SYT7: variants seen among roughly 807,000 people sequenced by gnomAD.
SYT7 encodes the protein synaptotagmin 7.
A neutral mutation model predicts 75.1 loss-of-function variants in SYT7; 29 were observed. The ratio of observed to expected loss-of-function variants is 0.39; its 90% CI spans 0.29 to 0.53. The LOEUF is 0.53. SYT7 is among the 20% of genes least tolerant of loss of function. The pLI, the probability that SYT7 is intolerant of heterozygous loss-of-function variation, is 0.77. For missense variants in SYT7, 693 were observed against 953.2 expected, an observed-to-expected ratio of 0.73 and a Z score of 3.59; for synonymous variants, 376 against 401.7, an observed-to-expected ratio of 0.94 and a Z score of 0.76.
At chr11:61,534,578 G>A (rs1289961184) in intron 7 of SYT7, among the ~76,000 whole-genome samples, 1 of 152,212 alleles carries the variant, frequency 6.6e-6, no homozygotes, top group Non-Finnish European at 1.5e-5. Context: ...CACATACAGC[G>A]ATGGCACGCA....
intron 5 of SYT7, among the ~76,000 whole-genome samples, chr11:61,543,359 C>G (rs187784767): frequency 6.6e-6 from 1 of 152,318 alleles, no homozygotes; most frequent in African/African-American, 2.4e-5. Flanking sequence ...CACCGCAGTT[C>G]TAACAGAGAA....
chr11:61,585,322 C>T (rs535064847), upstream of SYT7, among the ~76,000 whole-genome samples: 4 of 152,230 alleles, frequency 2.6e-5, no homozygotes, highest in East Asian at 1.9e-4. Context: ...GTGCAGCTCA[C>T]GTGACAGAAC....
Position 61,542,493 on chromosome 11 carries a change from G to A in SYT7, c.659C>T (p.Thr220Ile). 6.5e-7 allele frequency: 1 copy of A among 1,532,754 alleles called. No homozygotes were observed. Among genetic ancestry groups the A allele is most frequent in the Non-Finnish European group, 8.7e-7 (1 of 1,145,828 alleles). 94.9% of individuals were successfully genotyped at this position (1,532,754 alleles called of 1,614,324 possible). A position where few individuals can be genotyped will look rare whatever the true frequency, so the allele number is the denominator to read the frequency against. Reference protein sequence around the residue: ...TGEPKCQRPRTLMRQQSLQQP... With the variant: ...TGEPKCQRPRILMRQQSLQQP... ...TTGCAGGCTCTGCTGCCGCATCAGG[G>A]TGCGGGGTCGCTGGCATTTCGGCTC... Residue 220 changes from threonine to isoleucine, a missense_variant, in exon 6 of 13, where the codon ACC (threonine) becomes ATC (isoleucine). Around this residue, in one of 2 missense-constraint regions of SYT7, gnomAD observed 487 missense variants for 593.2 expected, o/e 0.82. Coordinates refer to ENST00000539008, the MANE Select transcript of SYT7 (RefSeq NM_001365809.2). This position sits in a 1 kb window ranked among gnomAD's most constrained non-coding sequence, Gnocchi z 7.8.
rs1275513975 is a variant in SYT7 at position 61,576,558 on chromosome 11, T to G, written c.31+4232A>C. Reference sequence around the variant, plus strand: ...CAGCTGGGGGTCATCAGCTCCGGACTGGGCCTCCCGCCCCCACGTGACCCC... The same window carrying G: ...CAGCTGGGGGTCATCAGCTCCGGACGGGGCCTCCCGCCCCCACGTGACCCC... On this transcript the variant is annotated intron_variant, in intron 1 of 12. Transcript: ENST00000539008. The surrounding 1 kb of genome is among the most constrained non-coding windows in gnomAD (Gnocchi z 4.1). Among the ~76,000 whole-genome samples, 1 of 152,238 alleles carries G rather than the reference T, an allele frequency of 6.6e-6. No homozygotes were observed. Among genetic ancestry groups the G allele is most frequent in the African/African-American group, 2.4e-5 (1 of 41,464 alleles).
intron 1 of SYT7, among the ~76,000 whole-genome samples, chr11:61,559,786 C>T (rs1044692951): frequency 2.0e-5 from 3 of 152,158 alleles, no homozygotes; most frequent in African/African-American, 7.2e-5. Flanking sequence ...AGAAGCCTGT[C>T]GATCCCAGAG....
At chr11:61,547,642 T>C (rs922900809) in intron 3 of SYT7, among the ~76,000 whole-genome samples, 1 of 138,248 alleles carries the variant, frequency 7.2e-6, no homozygotes, top group Admixed American at 7.5e-5. Context: ...GAGAAAATGA[T>C]GAGAGGAGGG....
At chr11:61,535,601 G>A (rs998930129) in intron 7 of SYT7, among the ~76,000 whole-genome samples, 1 of 152,158 alleles carries the variant, frequency 6.6e-6, no homozygotes, top group African/African-American at 2.4e-5. Context: ...ATCCCAGATG[G>A]GGGACTTCAG....
intron 7 of SYT7, among the ~76,000 whole-genome samples, chr11:61,535,128 G>GGAGGGA (rs2062831391): frequency 6.6e-6 from 1 of 152,212 alleles, no homozygotes; most frequent in African/African-American, 2.4e-5. Context: ...AGAGGCAGAG[G>GGAGGGA]GAGAGGCCGA....
In SYT7 at chr11:61,523,644, C is replaced by A. The variant is rs183372277; in HGVS notation, c.1756+183G>T. ...TGACATCTTGATTCTTGAACAGAGT[C>A]CGAGATGAGGGTGCTCCAAAGGGGG... is the stretch of plus-strand genomic sequence containing the variant. On this transcript the variant is annotated intron_variant, in intron 11 of 12. Transcript: ENST00000539008. This position sits in a 1 kb window ranked among gnomAD's most constrained non-coding sequence, Gnocchi z 5.0. Among the ~76,000 whole-genome samples the A allele has an allele frequency of 2.2e-3, 341 of 152,260 alleles. No individual in the cohort carries two copies. The highest frequency in any genetic ancestry group is 0.011 in the South Asian group (51 of 4,818).
upstream of SYT7, among the ~76,000 whole-genome samples, chr11:61,582,837 A>T (rs2064309135): frequency 1.3e-5 from 2 of 152,094 alleles, no homozygotes; most frequent in Admixed American, 6.6e-5. Context: ...GACCTGGCAA[A>T]CCCCAGAAAG....
In SYT7 at chr11:61,533,038, C is replaced by T. The variant is rs747965526; in HGVS notation, c.1151G>A (p.Arg384His). 102 of 1,613,580 alleles carry T rather than the reference C, an allele frequency of 6.3e-5. No individual in the cohort carries two copies. Among genetic ancestry groups the T allele is most frequent in the Admixed American group, 1.5e-4 (9 of 59,994 alleles). ...GTTGACGAGGTCTGAGACGGAGGAA[C>T]GTGGCTCGGTCCGGCGGTCGGACTC... The part of the protein sequence containing the change: ...HDESDRRTEP[R>H]SSVSDLVNSL... The change falls in exon 8 of 13, where the codon CGT (arginine) becomes CAT (histidine). Residue 384 changes from arginine to histidine, a missense_variant. This residue lies in a region of SYT7 where 487 missense variants were observed against 593.2 expected (regional missense o/e 0.82). Coordinates refer to ENST00000539008, the MANE Select transcript of SYT7 (RefSeq NM_001365809.2).
rs769532612 is a variant in SYT7, at chr11:61,556,236, T to A, written c.32-29A>T. 1.4e-5 allele frequency: 23 copies of A among 1,587,484 alleles called. 1 individual carries two copies. The South Asian group carries it at 2.5e-4, about 17-fold the overall frequency. ...GGGAGGACAGGTACAGGTCACACCC[T>A]CATTGGCCAGGGCCTGCCACCCTCC... On this transcript the variant is annotated intron_variant, in intron 1 of 12. Coordinates refer to ENST00000539008, the MANE Select transcript of SYT7 (RefSeq NM_001365809.2).
chr11:61,526,133 ACT>A (rs2062507554), intron 9 of SYT7: 1 of 152,032 alleles, frequency 6.6e-6, no homozygotes, highest in Non-Finnish European at 1.5e-5. Context: ...TCCCCCAGAG[ACT>A]CTGGAAGCAC....
rs1188301906 is a variant in SYT7 at position 61,580,031 on chromosome 11, A to G, written c.31+759T>C. Among the ~76,000 whole-genome samples the G allele has an allele frequency of 1.3e-5, 2 of 152,090 alleles. No individual in the cohort carries two copies. The highest frequency in any genetic ancestry group is 2.9e-5 in the Non-Finnish European group (2 of 68,000). ...ATTCTTCGGCTTTGGCTTAGAGGAT[A>G]CCAAGCAGACAGTGGGCTCCCAGGC... On this transcript the variant is annotated intron_variant, in intron 1 of 12. Transcript: ENST00000539008. This position sits in a 1 kb window ranked among gnomAD's most constrained non-coding sequence, Gnocchi z 6.1.
At chr11:61,561,093 G>A (rs1360436275) in intron 1 of SYT7, among the ~76,000 whole-genome samples, 1 of 152,162 alleles carries the variant, frequency 6.6e-6, no homozygotes, top group Non-Finnish European at 1.5e-5. Flanking sequence ...CTCCTCAGAT[G>A]ACATGCATGG....
At chr11:61,550,481 G>A (rs1324439174) in intron 3 of SYT7, among the ~76,000 whole-genome samples, 1 of 152,182 alleles carries the variant, frequency 6.6e-6, no homozygotes, top group East Asian at 1.9e-4. Flanking sequence ...GGGAGGAAGA[G>A]TGGAGGTAGG....
In SYT7 at chr11:61,542,065, G is replaced by C. The variant is rs1261804218; in HGVS notation, c.941+146C>G. On this transcript the variant is annotated intron_variant, in intron 6 of 12. Coordinates refer to ENST00000539008, the MANE Select transcript of SYT7 (RefSeq NM_001365809.2). The surrounding 1 kb of genome is among the most constrained non-coding windows in gnomAD (Gnocchi z 7.8). ...TCAGGCAGGAGCCACAAGAGGCTAA[G>C]GAGGGGGCTGCCAAGTCTGCTTGGC... 1.8e-6 allele frequency: 2 copies of C among 1,115,650 alleles called. No homozygotes were observed. Among genetic ancestry groups the C allele is most frequent in the Non-Finnish European group, 2.5e-6 (2 of 815,966 alleles). The allele number at this position is 1,115,650 out of a possible 1,614,324, so 69.1% of individuals were successfully genotyped here.
At position 61,528,024 on chromosome 11, in the gene SYT7, G is replaced by A. The variant is rs770973685; in HGVS notation, c.1362C>T (p.Ser454=). 12 of 1,614,016 alleles carry A rather than the reference G, an allele frequency of 7.4e-6. No homozygotes were observed. The highest frequency in any genetic ancestry group is 6.7e-5 in the African/African-American group (5 of 74,924). Residue 454 remains serine (S), a synonymous_variant, in exon 9 of 13, where the codon AGC becomes AGT. Transcript: ENST00000539008. The part of the protein sequence containing the change: ...ELPAKDFSGT[S]DPFVKIYLLP... ...GCAGGTAGATCTTGACGAAGGGGTC[G>A]CTGGTGCCGCTGAAGTCCTTGGCCG...
intron 6 of SYT7, chr11:61,540,321 G>T: frequency 4.9e-6 from 1 of 204,308 alleles, no homozygotes; most frequent in Non-Finnish European, 8.6e-6. Context: ...CCAGCGTTTG[G>T]GCAAGTAAAG....
Sources: allele counts gnomAD v4.1 joint callset (sites outside exome capture counted in the v4.1 genomes callset), GRCh38; gene constraint gnomAD v4.1.1; regional missense constraint gnomAD v4.1.1; non-coding constraint Gnocchi (gnomAD v3.1); transcripts MANE v1.5; gene names NCBI Gene and HGNC (gene_info 2026-07-23, HGNC 2026-07-21).